Variants in DGKI observed in about 807,000 individuals in gnomAD.
DGKI encodes diacylglycerol kinase iota, also known as DAG kinase iota.
DGKI carries 55 observed loss-of-function variants against 147.5 expected under a neutral mutation model. The ratio of observed to expected loss-of-function variants is 0.37; its 90% CI spans 0.30 to 0.47. The LOEUF (loss-of-function observed/expected upper bound fraction) is 0.47, where lower values mean the gene tolerates loss of function less well. Among genes scored for constraint, DGKI ranks in the 20% least tolerant of loss-of-function variants. The pLI, the probability that DGKI is intolerant of heterozygous loss-of-function variation, is 1.00. For missense variants in DGKI, 1,007 were observed against 1,323.8 expected (o/e 0.76, Z 3.71); for synonymous variants, 469 against 477.1 (o/e 0.98, Z 0.22).
chr7:137,524,821 T>C (rs1817085458), intron 20 of DGKI, among the ~76,000 whole-genome samples: 1 of 152,066 alleles, frequency 6.6e-6, no homozygotes, highest in African/African-American at 2.4e-5. Context: ...GGGCTGGAGG[T>C]ATCAGGACTA....
intron 30 of DGKI, among the ~76,000 whole-genome samples, chr7:137,403,733 A>C (rs1811845869): frequency 3.3e-5 from 5 of 152,238 alleles, no homozygotes; most frequent in Admixed American, 2.6e-4. Flanking sequence ...ACAGACATAA[A>C]CCAAATTGTA....
At chr7:137,480,223 TTAATC>T in intron 23 of DGKI, among the ~76,000 whole-genome samples, 1 of 152,274 alleles carries the variant, frequency 6.6e-6, no homozygotes, top group South Asian at 2.1e-4. Context: ...TCTGACAGCT[TTAATC>T]TAGTCCAAAG....
intron 19 of DGKI, among the ~76,000 whole-genome samples, chr7:137,565,274 T>C (rs1056225102): frequency 4.6e-5 from 7 of 152,258 alleles, no homozygotes; most frequent in South Asian, 2.1e-4. Context: ...TGGGTTTTCC[T>C]TATAATATGG....
rs1256665488 is a variant in DGKI, at chr7:137,846,720, G to A, written c.143C>T (p.Ala48Val). The A allele has an allele frequency of 4.9e-6, 5 of 1,023,370 alleles. No individual in the cohort carries two copies. The Admixed American group carries it at 1.7e-4, about 34-fold the overall frequency. 63.4% of individuals were successfully genotyped at this position (1,023,370 alleles called of 1,614,324 possible). The stretch of plus-strand genomic sequence containing the variant: ...GCTGGGGTTCATGGCGCCCGCTCCG[G>A]CGGCCGCGGAGGGAGCGCAGGCGGC... ...SGAACAPSAAAGAGAMNPSSS... is the reference protein window; with the variant it reads ...SGAACAPSAAVGAGAMNPSSS... The change falls in exon 1 of 33, where the codon GCC becomes GTC. Residue 48 changes from alanine (A) to valine (V), a missense_variant. By Grantham distance (64) the Ala-to-Val change is moderately conservative. Around this residue, in one of 5 missense-constraint regions of DGKI, gnomAD observed 137 missense variants for 114.4 expected, o/e 1.20. Coordinates refer to ENST00000614521, the MANE Select transcript of DGKI (RefSeq NM_001321708.2). The surrounding 1 kb of genome is among the most constrained non-coding windows in gnomAD (Gnocchi z 4.0).
intron 1 of DGKI, among the ~76,000 whole-genome samples, chr7:137,803,478 T>A (rs771059648): frequency 1.3e-5 from 2 of 152,234 alleles, no homozygotes; most frequent in Non-Finnish European, 2.9e-5. Context: ...CTAAGTTATG[T>A]ATATTATTTA....
At chr7:137,491,799 G>A (rs909885558) in intron 21 of DGKI, among the ~76,000 whole-genome samples, 3 of 152,306 alleles carry the variant, frequency 2.0e-5, no homozygotes, top group South Asian at 2.1e-4. Flanking sequence ...GCAAACTGCT[G>A]CCCCAAAGGG....
chr7:137,785,632 G>T (rs1223077046), intron 1 of DGKI, among the ~76,000 whole-genome samples: 1 of 151,974 alleles, frequency 6.6e-6, no homozygotes, highest in Non-Finnish European at 1.5e-5. Context: ...TATGAAGCCA[G>T]TATCACCCTA....
chr7:137,556,280 A>T (rs1163370934), intron 19 of DGKI, among the ~76,000 whole-genome samples: 1 of 152,124 alleles, frequency 6.6e-6, no homozygotes, highest in East Asian at 1.9e-4. Context: ...CAATAAAAAA[A>T]AATTTAGAAG....
intron 1 of DGKI, among the ~76,000 whole-genome samples, chr7:137,693,091 T>C (rs957360220): frequency 6.6e-6 from 1 of 152,252 alleles, no homozygotes; most frequent in Admixed American, 6.5e-5. Context: ...AGTTTTATTA[T>C]ATCTCAGACC....
At chr7:137,516,615 C>A (rs1234658863) in intron 21 of DGKI, among the ~76,000 whole-genome samples, 1 of 151,510 alleles carries the variant, frequency 6.6e-6, no homozygotes, top group Non-Finnish European at 1.5e-5. Flanking sequence ...TTTCTTCCAA[C>A]CCCTGCTCAC....
At chr7:137,442,781 C>T (rs1813559873) in intron 28 of DGKI, among the ~76,000 whole-genome samples, 1 of 152,200 alleles carries the variant, frequency 6.6e-6, no homozygotes, top group Non-Finnish European at 1.5e-5. Flanking sequence ...TTAATTCATT[C>T]ATTTAATAAA....
intron 1 of DGKI, among the ~76,000 whole-genome samples, chr7:137,776,211 A>G (rs2116869879): frequency 6.6e-6 from 1 of 152,342 alleles, no homozygotes; most frequent in East Asian, 1.9e-4. Context: ...CAATGAGTGA[A>G]TCATTGGAAT....
intron 23 of DGKI, among the ~76,000 whole-genome samples, chr7:137,470,982 T>C (rs549018163): frequency 6.6e-6 from 1 of 152,286 alleles, no homozygotes; most frequent in South Asian, 2.1e-4. Context: ...TAAGGCTACA[T>C]CCACGAAACA....
intron 23 of DGKI, among the ~76,000 whole-genome samples, chr7:137,473,446 G>A (rs1296984175): frequency 6.6e-6 from 1 of 151,888 alleles, no homozygotes; most frequent in Admixed American, 6.6e-5. Flanking sequence ...TCATTTTCCT[G>A]GACAGAAAAA....
At chr7:137,735,358 G>A (rs1015693196) in intron 1 of DGKI, among the ~76,000 whole-genome samples, 2 of 151,968 alleles carry the variant, frequency 1.3e-5, no homozygotes, top group Non-Finnish European at 2.9e-5. Context: ...GCTTTTGCTT[G>A]AATACTCTTT....
intron 1 of DGKI, among the ~76,000 whole-genome samples, chr7:137,798,373 C>A (rs1585506108): frequency 6.6e-6 from 1 of 152,074 alleles, no homozygotes; most frequent in Non-Finnish European, 1.5e-5. Context: ...TAAAACCCAA[C>A]CAAAGCATCG....
intron 1 of DGKI, among the ~76,000 whole-genome samples, chr7:137,770,429 C>G (rs375504438): frequency 5.9e-5 from 9 of 151,998 alleles, no homozygotes; most frequent in African/African-American, 1.9e-4. Context: ...ACATGTATAC[C>G]TATGTAACAA....
chr7:137,497,974 A>G (rs958059859), intron 21 of DGKI, among the ~76,000 whole-genome samples: 8 of 152,160 alleles, frequency 5.3e-5, no homozygotes, highest in African/African-American at 1.7e-4. Context: ...TTAAAAATAG[A>G]AAATGAACTT....
chr7:137,497,265 C>T (rs116805185), intron 21 of DGKI, among the ~76,000 whole-genome samples: 1,860 of 152,006 alleles, frequency 0.012, 39 homozygotes, highest in African/African-American at 0.043. Flanking sequence ...CCAGTCAAAT[C>T]GCTATTATTA....
Sources: gnomAD v4.1 joint callset for allele counts (sites outside exome capture counted in the v4.1 genomes callset) on GRCh38, gnomAD v4.1.1 for gene constraint, gnomAD v4.1.1 regional missense constraint, Gnocchi (gnomAD v3.1) non-coding constraint, MANE v1.5 for transcripts, NCBI Gene and HGNC (gene_info 2026-07-23, HGNC 2026-07-21) for gene names.